The following RNF6 variants were observed in gnomAD, a reference collection of about 807,000 sequenced individuals.
RNF6 encodes the protein ring finger protein 6.
A neutral mutation model predicts 50.1 loss-of-function variants in RNF6; 21 were observed. The ratio of observed to expected loss-of-function variants is 0.42; its 90% CI spans 0.30 to 0.60. RNF6 has a LOEUF of 0.60. Ranked by LOEUF, RNF6 falls within the 20% of genes least tolerant of loss-of-function variation. The pLI, the probability that RNF6 is intolerant of heterozygous loss-of-function variation, is 0.20. For synonymous variants in RNF6, 255 were observed against 291.8 expected, an observed-to-expected ratio of 0.87 and a Z score of 1.29; for missense variants, 698 against 838.2, an observed-to-expected ratio of 0.83 and a Z score of 2.07.
At chr13:26,160,525 ATCTTCTTC>A (rs139442945) in intron 5 of RNF6, among the ~76,000 whole-genome samples, 19,270 of 122,310 alleles carry the variant, frequency 0.16, 2,507 homozygotes, top group Middle Eastern at 0.22. Context: ...CATCCAGCCT[ATCTTCTTC>A]TCTTCTTCTT....
At chr13:26,218,053 A>G (rs963771182) in intron 4 of RNF6, among the ~76,000 whole-genome samples, 3 of 152,226 alleles carry the variant, frequency 2.0e-5, no homozygotes, top group African/African-American at 7.2e-5. Flanking sequence ...AACTCTACAT[A>G]CTTCATTTAG....
chr13:26,183,942 T>C (rs1220790938), intron 5 of RNF6, among the ~76,000 whole-genome samples: 15 of 144,728 alleles, frequency 1.0e-4, no homozygotes, highest in Non-Finnish European at 2.1e-4. Flanking sequence ...TTATAATTAT[T>C]CATATATATA....
At chr13:26,196,805 T>A (rs1177592950) in intron 5 of RNF6, among the ~76,000 whole-genome samples, 2 of 151,800 alleles carry the variant, frequency 1.3e-5, no homozygotes, top group Non-Finnish European at 1.5e-5. Flanking sequence ...GTTAAGTAGG[T>A]AGGTAAATAT....
At chr13:26,180,813 G>T (rs1265868792) in intron 5 of RNF6, among the ~76,000 whole-genome samples, 2 of 152,232 alleles carry the variant, frequency 1.3e-5, no homozygotes, top group Non-Finnish European at 2.9e-5. Flanking sequence ...AAAGCGTCCA[G>T]TCACCACCTG....
At chr13:26,155,676 T>C (rs1871882165) in intron 5 of RNF6, among the ~76,000 whole-genome samples, 1 of 152,230 alleles carries the variant, frequency 6.6e-6, no homozygotes, top group South Asian at 2.1e-4. Context: ...GCCATCCAAC[T>C]GTTGCTCCCA....
At chr13:26,152,649 G>A (rs1871681884) in intron 5 of RNF6, among the ~76,000 whole-genome samples, 1 of 152,086 alleles carries the variant, frequency 6.6e-6, no homozygotes, top group South Asian at 2.1e-4. Context: ...TCCCGTTTAA[G>A]GTCAATTCAA....
At position 26,222,273 on chromosome 13, in the gene RNF6, G is replaced by GGGAGTCGCTCCGCAGCCGGCCC. The variant is rs1870598592; in HGVS notation, c.-394_-373dup. 1.3e-5 allele frequency: 2 copies of GGGAGTCGCTCCGCAGCCGGCCC among 152,430 alleles called. No individual in the cohort carries two copies. The highest frequency in any genetic ancestry group is 4.8e-5 in the African/African-American group (2 of 41,582). 9.4% of individuals were successfully genotyped at this position (152,430 alleles called of 1,614,324 possible). On this transcript the variant is annotated 5_prime_UTR_variant, in exon 1 of 5. Transcript: ENST00000381588. ...CAGCCACGCCGCCCACTTGGCGGCG[G>GGGAGTCGCTCCGCAGCCGGCCC]GGAGTCGCTCCGCAGCCGGCCCGGA...
chr13:26,219,655 G>A lies in RNF6; in HGVS notation c.-6C>T, dbSNP rs1396409859. On this transcript the variant is annotated 5_prime_UTR_variant, in exon 3 of 5. Coordinates refer to ENST00000381588, the MANE Select transcript of RNF6 (RefSeq NM_005977.4). ...CTCGATCTAGACTGATTCATCCTGA[G>A]ATTCCTGGCTTTCTGTTCAAACAAT... is the stretch of plus-strand genomic sequence containing the variant. 2 of 1,611,640 alleles carry A rather than the reference G, an allele frequency of 1.2e-6. No homozygotes were observed. The highest frequency in any genetic ancestry group is 3.3e-5 in the Admixed American group (2 of 59,918).
rs9512149 is a variant in RNF6 at position 26,193,347 on chromosome 13, A to T, written n.768+22127T>A. On this transcript the variant is annotated intron_variant and non_coding_transcript_variant, in intron 5 of 5. Transcript: ENST00000468480. ...GCCAGGAGATTGAGAAGAGGTCAGT[A>T]ATACGGAAGGAAAGCCAGGAGACTG... 6.6e-3 allele frequency among the ~76,000 whole-genome samples: 1,010 copies of T among 152,346 alleles called. 8 individuals are homozygous for T. Among genetic ancestry groups the T allele is most frequent in the Non-Finnish European group, 0.011 (749 of 68,038 alleles).
intron 5 of RNF6, among the ~76,000 whole-genome samples, chr13:26,192,319 G>A (rs984671186): frequency 1.3e-5 from 2 of 152,188 alleles, no homozygotes; most frequent in Admixed American, 6.5e-5. Flanking sequence ...GTGGTTAGAA[G>A]TAGTTGTTTC....
chr13:26,155,226 G>A lies in RNF6; in HGVS notation n.769-22775C>T, dbSNP rs148579761. 1.1e-4 allele frequency among the ~76,000 whole-genome samples: 17 copies of A among 151,908 alleles called. No homozygotes were observed. In the East Asian group the frequency reaches 1.9e-3, roughly 17 times the overall value. Reference sequence around the variant, plus strand: ...GAAGGCTGCAGTAAGCTACGATCATGCCACTGCACCCCAGCCTGGGTGGCA... The same window carrying A: ...GAAGGCTGCAGTAAGCTACGATCATACCACTGCACCCCAGCCTGGGTGGCA... On this transcript the variant is annotated intron_variant and non_coding_transcript_variant, in intron 5 of 5. Transcript: ENST00000468480.
intron 5 of RNF6, among the ~76,000 whole-genome samples, chr13:26,182,179 C>T (rs963366391): frequency 6.6e-6 from 1 of 152,214 alleles, no homozygotes; most frequent in Admixed American, 6.5e-5. Flanking sequence ...CAAATTATCA[C>T]ACTTACAATA....
chr13:26,204,359 T>A (rs1869013996), intron 5 of RNF6, among the ~76,000 whole-genome samples: 1 of 151,532 alleles, frequency 6.6e-6, no homozygotes, highest in Non-Finnish European at 1.5e-5. Context: ...TAGCCGGGCA[T>A]GGTGGCGGGC....
intron 4 of RNF6, among the ~76,000 whole-genome samples, chr13:26,216,742 C>T (rs1366140781): frequency 6.6e-6 from 1 of 152,136 alleles, no homozygotes; most frequent in Non-Finnish European, 1.5e-5. Flanking sequence ...ATCATGAAGT[C>T]AGGAGTTCGA....
At chr13:26,198,144 A>C (rs925833268) in intron 5 of RNF6, among the ~76,000 whole-genome samples, 2 of 150,684 alleles carry the variant, frequency 1.3e-5, no homozygotes, top group African/African-American at 4.9e-5. Flanking sequence ...ATATATATAT[A>C]CACACACATA....
intron 5 of RNF6, among the ~76,000 whole-genome samples, chr13:26,190,419 A>C (rs904413820): frequency 5.3e-5 from 8 of 152,196 alleles, no homozygotes; most frequent in Non-Finnish European, 1.2e-4. Context: ...TATCATAGTT[A>C]TCTCTTCCAA....
Position 26,215,347 on chromosome 13 carries a change from T to C in RNF6, c.535A>G (p.Arg179Gly). ...YTDIPLSDSN[R>G]DHTANRQQRS... ...TGTTGCCTATTTGCAGTATGATCTC[T>C]GTTACTATCTGAAAGTGGAATGTCT... Residue 179 changes from arginine (R) to glycine (G), a missense_variant, in exon 5 of 5, where the codon AGA becomes GGA. Transcript: ENST00000381588. The C allele has an allele frequency of 6.2e-7, 1 of 1,614,230 alleles. No homozygotes were observed.
At chr13:26,191,765 A>T (rs1868468679) in intron 5 of RNF6, among the ~76,000 whole-genome samples, 1 of 152,250 alleles carries the variant, frequency 6.6e-6, no homozygotes, top group African/African-American at 2.4e-5. Context: ...GTAGTTATTT[A>T]TAGAAGTGTA....
intron 5 of RNF6, among the ~76,000 whole-genome samples, chr13:26,172,669 G>C (rs1217015352): frequency 6.6e-6 from 1 of 151,824 alleles, no homozygotes; most frequent in African/African-American, 2.4e-5. Flanking sequence ...TCAGCCTCCC[G>C]AGTAGCTGGC....
Sources: allele counts gnomAD v4.1 joint callset (sites outside exome capture counted in the v4.1 genomes callset), GRCh38; gene constraint gnomAD v4.1.1; transcripts MANE v1.5; gene names NCBI Gene and HGNC (gene_info 2026-07-23, HGNC 2026-07-21).